SYNPR: variants seen among roughly 807,000 people sequenced by gnomAD.
SYNPR encodes the protein synaptoporin.
In SYNPR, 23 loss-of-function variants were observed where a neutral mutation model predicts 32.9. The ratio of observed to expected loss-of-function variants is 0.70; its 90% CI spans 0.50 to 0.99. The LOEUF (loss-of-function observed/expected upper bound fraction) is 0.99. SYNPR is among the 50% of genes least tolerant of loss of function. SYNPR has a pLI of 0.00. For missense variants in SYNPR, 318 were observed against 349.3 expected, an observed-to-expected ratio of 0.91 and a Z score of 0.71; for synonymous variants, 146 against 135.9, an observed-to-expected ratio of 1.07 and a Z score of -0.52.
chr3:63,403,112 T>A (rs533431517), intron 2 of SYNPR, among the ~76,000 whole-genome samples: 2 of 152,300 alleles, frequency 1.3e-5, no homozygotes, highest in South Asian at 4.1e-4. Flanking sequence ...TATATCCACA[T>A]TCTGCCATTA....
intron 2 of SYNPR, among the ~76,000 whole-genome samples, chr3:63,424,942 T>A (rs1308559150): frequency 6.6e-6 from 1 of 152,228 alleles, no homozygotes; most frequent in African/African-American, 2.4e-5. Context: ...ACAACCCTTG[T>A]GTGTAAATTT....
At chr3:63,583,572 A>T (rs1444655732) in intron 4 of SYNPR, among the ~76,000 whole-genome samples, 1 of 152,100 alleles carries the variant, frequency 6.6e-6, no homozygotes, top group Non-Finnish European at 1.5e-5. Context: ...GTGCATTTTT[A>T]TGTAGCTAAC....
chr3:63,611,365 C>T lies in SYNPR; in HGVS notation c.600+2049C>T, dbSNP rs148368798. 3.5e-4 allele frequency among the ~76,000 whole-genome samples: 53 copies of T among 152,244 alleles called. 1 individual carries two copies. The highest frequency in any genetic ancestry group is 1.2e-3 in the African/African-American group (50 of 41,530). On this transcript the variant is annotated intron_variant, in intron 5 of 5. Coordinates refer to ENST00000478300, the MANE Select transcript of SYNPR (RefSeq NM_001130003.2). ...CAGGAGAGAGCTCAAGCCATTTGAC[C>T]GAAACTTGGCTCTGCAAAGAAAATC...
intron 2 of SYNPR, among the ~76,000 whole-genome samples, chr3:63,472,530 A>T (rs1449813052): frequency 1.3e-5 from 2 of 152,142 alleles, no homozygotes; most frequent in Non-Finnish European, 2.9e-5. Flanking sequence ...CAGTGCTAAA[A>T]TGCCCCTTTT....
At chr3:63,396,634 C>T (rs755399071) in intron 2 of SYNPR, among the ~76,000 whole-genome samples, 13 of 152,164 alleles carry the variant, frequency 8.5e-5, no homozygotes, top group Non-Finnish European at 1.6e-4. Flanking sequence ...GGCCCGAGGT[C>T]TTCCTTCAGC....
chr3:63,406,553 T>C (rs2088362959), intron 2 of SYNPR, among the ~76,000 whole-genome samples: 1 of 152,062 alleles, frequency 6.6e-6, no homozygotes, highest in African/African-American at 2.4e-5. Flanking sequence ...GAGCCGAGCC[T>C]GACTCTGATT....
intron 2 of SYNPR, among the ~76,000 whole-genome samples, chr3:63,476,505 A>G (rs573606411): frequency 6.6e-6 from 1 of 152,278 alleles, no homozygotes; most frequent in East Asian, 1.9e-4. Flanking sequence ...GACACTCAGG[A>G]GAAACATGGA....
chr3:63,258,182 G>A (rs570688271), intron 2 of SYNPR, among the ~76,000 whole-genome samples: 1 of 152,090 alleles, frequency 6.6e-6, no homozygotes, highest in Non-Finnish European at 1.5e-5. Context: ...AGTTAACAAG[G>A]ATATCCAGGA....
At chr3:63,492,399 G>C (rs1455436845) in intron 3 of SYNPR, among the ~76,000 whole-genome samples, 1 of 152,206 alleles carries the variant, frequency 6.6e-6, no homozygotes, top group Non-Finnish European at 1.5e-5. Context: ...AGTAGAACTT[G>C]ACCTTGGCCA....
chr3:63,537,557 A>G (rs1702231480), intron 3 of SYNPR, among the ~76,000 whole-genome samples: 1 of 152,184 alleles, frequency 6.6e-6, no homozygotes, highest in African/African-American at 2.4e-5. Context: ...GGTCTGGCAC[A>G]GTGCCTGGCA....
intron 2 of SYNPR, among the ~76,000 whole-genome samples, chr3:63,307,594 C>T (rs888878245): frequency 2.0e-5 from 3 of 151,942 alleles, no homozygotes; most frequent in Non-Finnish European, 4.4e-5. Context: ...AGTTTCACCA[C>T]CCTTCCTTTC....
chr3:63,569,595 G>C lies in SYNPR; in HGVS notation c.408+12854G>C, dbSNP rs532256784. 3.9e-5 allele frequency among the ~76,000 whole-genome samples: 6 copies of C among 152,382 alleles called. No individual in the cohort carries two copies. The South Asian group carries it at 1.2e-3, about 32-fold the overall frequency. On this transcript the variant is annotated intron_variant, in intron 4 of 5. Transcript: ENST00000478300. ...CAAATTAAATTCAAGCTGTGTTTAA[G>C]TACGCAGAAGTCAGGCTTTAATTAT...
intron 2 of SYNPR, among the ~76,000 whole-genome samples, chr3:63,419,603 G>A (rs1285767731): frequency 1.3e-5 from 2 of 152,100 alleles, no homozygotes; most frequent in East Asian, 3.8e-4. Context: ...AATCTGGATT[G>A]TCAGCTTTTC....
At chr3:63,367,606 T>G (rs2087743106) in intron 2 of SYNPR, among the ~76,000 whole-genome samples, 1 of 152,138 alleles carries the variant, frequency 6.6e-6, no homozygotes, top group African/African-American at 2.4e-5. Context: ...TCTGCCTGCC[T>G]CGGCCTCCTA....
chr3:63,416,540 A>AAC, intron 2 of SYNPR, among the ~76,000 whole-genome samples: 1 of 149,198 alleles, frequency 6.7e-6, no homozygotes, highest in Admixed American at 6.7e-5. Flanking sequence ...TTAAAAAAAA[A>AAC]AAAAAAAAAA....
chr3:63,486,951 G>T (rs1197668009), intron 3 of SYNPR, among the ~76,000 whole-genome samples: 2 of 152,116 alleles, frequency 1.3e-5, no homozygotes, highest in Non-Finnish European at 2.9e-5. Flanking sequence ...TGGAGGTGCT[G>T]CATGGGGCCT....
chr3:63,415,690 CAACCA>C (rs1358581849), intron 2 of SYNPR, among the ~76,000 whole-genome samples: 1 of 152,228 alleles, frequency 6.6e-6, no homozygotes, highest in Non-Finnish European at 1.5e-5. Flanking sequence ...CATAGTTCTC[CAACCA>C]GTGGTGTAAG....
intron 4 of SYNPR, among the ~76,000 whole-genome samples, chr3:63,600,948 C>G (rs1380345523): frequency 1.3e-5 from 2 of 152,170 alleles, no homozygotes; most frequent in African/African-American, 4.8e-5. Flanking sequence ...TTGACCTAGT[C>G]TCCCCATCAC....
upstream of SYNPR, among the ~76,000 whole-genome samples, chr3:63,274,711 T>G (rs2086560594): frequency 6.6e-6 from 1 of 152,208 alleles, no homozygotes; most frequent in African/African-American, 2.4e-5. Flanking sequence ...TTTCTCTACC[T>G]TGGCACCATT....
Sources: gnomAD v4.1 joint callset for allele counts (sites outside exome capture counted in the v4.1 genomes callset) on GRCh38, gnomAD v4.1.1 for gene constraint, MANE v1.5 for transcripts, NCBI Gene and HGNC (gene_info 2026-07-23, HGNC 2026-07-21) for gene names.